FSHR: variants seen among roughly 807,000 people sequenced by gnomAD.
FSHR encodes the protein follicle-stimulating hormone receptor.
FSHR carries 46 observed loss-of-function variants against 52.1 expected under a neutral mutation model. The ratio of observed to expected loss-of-function variants is 0.88; its 90% CI spans 0.70 to 1.13. The LOEUF is 1.13. Ranked by LOEUF, FSHR falls within the 50% of genes most tolerant of loss-of-function variation. The pLI is 0.00. For synonymous variants in FSHR, 399 were observed against 309.6 expected (o/e 1.29, Z -3.03); for missense variants, 964 against 834.6 (o/e 1.16, Z -1.91).
intron 2 of FSHR, among the ~76,000 whole-genome samples, chr2:49,067,815 G>C (rs769294743): frequency 1.3e-5 from 2 of 151,960 alleles, no homozygotes; most frequent in African/African-American, 2.4e-5. Context: ...TTGGAAACAA[G>C]AAGTCTAGAG....
chr2:49,049,780 C>G (rs1415361808), intron 2 of FSHR, among the ~76,000 whole-genome samples: 1 of 150,938 alleles, frequency 6.6e-6, no homozygotes, highest in African/African-American at 2.5e-5. Flanking sequence ...TTACAGATCT[C>G]AAGAACTCTG....
chr2:49,062,710 A>G (rs1266055676), intron 2 of FSHR, among the ~76,000 whole-genome samples: 1 of 152,152 alleles, frequency 6.6e-6, no homozygotes, highest in Non-Finnish European at 1.5e-5. Context: ...ACAACTCAAC[A>G]GCAAAATTAA....
chr2:48,964,438 A>T (rs1046082172), intron 9 of FSHR, among the ~76,000 whole-genome samples: 3 of 152,208 alleles, frequency 2.0e-5, no homozygotes, highest in Non-Finnish European at 4.4e-5. Context: ...TACATAAATT[A>T]GGGGATCAAA....
intron 1 of FSHR, among the ~76,000 whole-genome samples, chr2:49,095,477 G>A (rs6730592): frequency 0.27 from 41,111 of 152,010 alleles, 6,132 homozygotes; most frequent in African/African-American, 0.41. Flanking sequence ...ATATTAACTC[G>A]AAATTGATTA....
intron 1 of FSHR, among the ~76,000 whole-genome samples, chr2:49,092,346 A>G (rs1258031144): frequency 1.3e-5 from 2 of 152,158 alleles, no homozygotes; most frequent in African/African-American, 4.8e-5. Context: ...TGTGTTTCCA[A>G]TCTGAATGCC....
At chr2:49,029,518 G>A (rs1365598967) in intron 2 of FSHR, among the ~76,000 whole-genome samples, 2 of 152,172 alleles carry the variant, frequency 1.3e-5, no homozygotes, top group African/African-American at 4.8e-5. Flanking sequence ...CATCACTTTG[G>A]CAAATCACTG....
rs779762102 is a variant in FSHR, at chr2:48,968,835, T to C, written c.717A>G (p.Glu239=). The C allele has an allele frequency of 1.8e-5, 29 of 1,614,066 alleles. 1 individual carries two copies. Among genetic ancestry groups the C allele is most frequent in the Middle Eastern group, 1.7e-4 (1 of 5,998 alleles). The change falls in exon 9 of 10, where the codon GAA becomes GAG. Residue 239 remains glutamate (E), a synonymous_variant. Transcript: ENST00000406846. ...RIHSLPSYGL[E]NLKKLRARST... is the part of the protein sequence containing the mutation. ...ACCTGGCCCTCAGCTTCTTAAGATT[T>C]TCTAAGCCATAGCTAGGCAGGGAAT...
At chr2:48,979,923 C>T (rs921787422) in intron 8 of FSHR, among the ~76,000 whole-genome samples, 1 of 152,198 alleles carries the variant, frequency 6.6e-6, no homozygotes, top group Admixed American at 6.5e-5. Flanking sequence ...TACTCCTACT[C>T]TTACCTCTTA....
Position 48,962,835 on chromosome 2 carries a change from G to T in FSHR, c.1986C>A (p.Val662=), listed in dbSNP as rs774725838. 23 of 1,614,062 alleles carry T rather than the reference G, an allele frequency of 1.4e-5. No individual in the cohort carries two copies. Among genetic ancestry groups the T allele is most frequent in the African/African-American group, 2.7e-5 (2 of 74,934 alleles). The change falls in exon 10 of 10, where the codon GTC becomes GTA. Residue 662 remains valine (V), a synonymous_variant. Coordinates refer to ENST00000406846, the MANE Select transcript of FSHR (RefSeq NM_000145.4). ...GGCCATTCCTTGGATGGGTGTTGTG[G>T]ACAGTGGATGAAGTTTCTGTCCTAT... ...QIYRTETSST[V]HNTHPRNGHC...
chr2:49,027,843 C>T (rs1233144211), intron 2 of FSHR, among the ~76,000 whole-genome samples: 2 of 116,232 alleles, frequency 1.7e-5, no homozygotes, highest in Non-Finnish European at 3.3e-5. Context: ...GAGTGAGACT[C>T]TTTCTCCAAA....
At chr2:49,095,392 A>G (rs1237092767) in intron 1 of FSHR, among the ~76,000 whole-genome samples, 1 of 152,168 alleles carries the variant, frequency 6.6e-6, no homozygotes, top group Non-Finnish European at 1.5e-5. Flanking sequence ...AGTCTTTTGA[A>G]TAAATGGTGC....
Position 49,037,627 on chromosome 2 carries a change from G to A in FSHR, c.225-17467C>T, listed in dbSNP as rs191185639. Among the ~76,000 whole-genome samples the A allele has an allele frequency of 2.7e-3, 416 of 152,128 alleles. 2 individuals are homozygous for A. Among genetic ancestry groups the A allele is most frequent in the African/African-American group, 9.7e-3 (401 of 41,508 alleles). On this transcript the variant is annotated intron_variant, in intron 2 of 9. Coordinates refer to ENST00000406846, the MANE Select transcript of FSHR (RefSeq NM_000145.4). ...AAAAAAATGGAAAATACTAATACAC[G>A]AATATAAAGTTAAGGTAATTAAACA...
In FSHR at chr2:49,079,502, A is replaced by G. The variant is rs1472248720; in HGVS notation, c.153-11212T>C. On this transcript the variant is annotated intron_variant, in intron 1 of 9. Coordinates refer to ENST00000406846, the MANE Select transcript of FSHR (RefSeq NM_000145.4). ...GCATACCAGGAAATATGATTTTTCT[A>G]AAGTTAGAGTGATTAAAATATTATG... Among the ~76,000 whole-genome samples the G allele has an allele frequency of 2.6e-5, 4 of 152,270 alleles. No homozygotes were observed. The East Asian group carries it at 7.7e-4, about 29-fold the overall frequency.
intron 1 of FSHR, among the ~76,000 whole-genome samples, chr2:49,145,333 C>A (rs1032147404): frequency 6.6e-6 from 1 of 152,012 alleles, no homozygotes; most frequent in Non-Finnish European, 1.5e-5. Flanking sequence ...CATTAATTTG[C>A]TGATTGTTCA....
intron 2 of FSHR, among the ~76,000 whole-genome samples, chr2:49,058,522 G>GT (rs971884729): frequency 2.0e-5 from 3 of 152,030 alleles, no homozygotes; most frequent in Non-Finnish European, 4.4e-5. Context: ...CTCCAGCTTG[G>GT]TGACAGAGCA....
At chr2:49,083,379 C>A (rs977460972) in intron 1 of FSHR, among the ~76,000 whole-genome samples, 1 of 151,592 alleles carries the variant, frequency 6.6e-6, no homozygotes, top group Non-Finnish European at 1.5e-5. Context: ...CGGTACCAGC[C>A]ACTGCAAAAT....
At chr2:48,984,197 TC>T (rs1292172474) in intron 6 of FSHR, among the ~76,000 whole-genome samples, 1 of 152,148 alleles carries the variant, frequency 6.6e-6, no homozygotes, top group Non-Finnish European at 1.5e-5. Context: ...TATGTCTTTT[TC>T]CTCCTCTTGA....
At chr2:49,061,557 C>A (rs1055483401) in intron 2 of FSHR, among the ~76,000 whole-genome samples, 1 of 142,954 alleles carries the variant, frequency 7.0e-6, no homozygotes, top group African/African-American at 2.6e-5. Context: ...TACATATATA[C>A]ATATAAATAT....
intron 2 of FSHR, among the ~76,000 whole-genome samples, chr2:49,049,602 C>G (rs1668780205): frequency 6.6e-6 from 1 of 152,004 alleles, no homozygotes; most frequent in Non-Finnish European, 1.5e-5. Flanking sequence ...ATCTTTATTA[C>G]TATAAGCTTA....
Sources: gnomAD v4.1 joint callset for allele counts (sites outside exome capture counted in the v4.1 genomes callset) on GRCh38, gnomAD v4.1.1 for gene constraint, MANE v1.5 for transcripts, NCBI Gene and HGNC (gene_info 2026-07-23, HGNC 2026-07-21) for gene names.